Variants in RBFOX1 observed in about 807,000 individuals in gnomAD.
RBFOX1 encodes the protein RNA binding fox-1 homolog 1.
Under a neutral mutation model 57.7 loss-of-function variants are expected in RBFOX1, and 8 were observed. That is an observed-to-expected ratio of 0.14 (90% CI 0.08 to 0.25). The LOEUF is 0.25. Among genes scored for constraint, RBFOX1 ranks in the 10% least tolerant of loss-of-function variants. The probability of loss-of-function intolerance (pLI) is 1.00; values close to 1 mark genes in which losing one functional copy is unlikely to be tolerated. For missense variants in RBFOX1, 611 were observed against 548.5 expected, an observed-to-expected ratio of 1.11 and a Z score of -1.14; for synonymous variants, 326 against 222.4, an observed-to-expected ratio of 1.47 and a Z score of -4.15.
intron 4 of RBFOX1, among the ~76,000 whole-genome samples, chr16:7,227,101 C>T (rs201052065): frequency 6.6e-6 from 1 of 152,122 alleles, no homozygotes; most frequent in Admixed American, 6.6e-5. Flanking sequence ...TTTATAGAAC[C>T]TGTTTGGTCC....
chr16:7,706,634 G>A (rs1271910099), intron 14 of RBFOX1, among the ~76,000 whole-genome samples: 1 of 152,144 alleles, frequency 6.6e-6, no homozygotes, highest in Non-Finnish European at 1.5e-5. Flanking sequence ...GTAACACCTT[G>A]CCATAACATC....
At chr16:7,265,200 G>C (rs186048393) in intron 4 of RBFOX1, among the ~76,000 whole-genome samples, 3 of 152,162 alleles carry the variant, frequency 2.0e-5, no homozygotes, top group Non-Finnish European at 4.4e-5. Context: ...TAGACAGGGT[G>C]GCTTAGACAA....
intron 2 of RBFOX1, among the ~76,000 whole-genome samples, chr16:6,363,458 A>G (rs2152874723): frequency 6.6e-6 from 1 of 152,330 alleles, no homozygotes; most frequent in East Asian, 1.9e-4. Context: ...TGATCTCGAG[A>G]TGTTCTAGCG....
chr16:7,278,261 T>G (rs1330777610), intron 4 of RBFOX1, among the ~76,000 whole-genome samples: 1 of 152,182 alleles, frequency 6.6e-6, no homozygotes, highest in African/African-American at 2.4e-5. Context: ...CTTGATTGAA[T>G]TGCAAGTATA....
At chr16:7,335,916 G>C (rs115213782) in intron 4 of RBFOX1, among the ~76,000 whole-genome samples, 1 of 152,170 alleles carries the variant, frequency 6.6e-6, no homozygotes, top group Non-Finnish European at 1.5e-5. Flanking sequence ...GGAGAATTCA[G>C]CTGAACCTGT....
Position 6,779,947 on chromosome 16 carries a change from TTATATATTTATATATTTA to T in RBFOX1, c.-16+125321_-16+125338del, listed in dbSNP as rs2080275319. On this transcript the variant is annotated intron_variant, in intron 3 of 15. Transcript: ENST00000550418. ...TATATTTATATATATTTATATATAT[TTATATATTTATATATTTA>T]TATATATTTATATATTTATATATTT... Among the ~76,000 whole-genome samples, 6 of 26,752 alleles carry T rather than the reference TTATATATTTATATATTTA, an allele frequency of 2.2e-4. 1 individual carries two copies. The highest frequency in any genetic ancestry group is 1.3e-3 in the African/African-American group (6 of 4,794). 17.6% of individuals were successfully genotyped at this position (26,752 alleles called of 152,430 possible).
chr16:6,589,409 AG>A (rs1555583031), intron 2 of RBFOX1, among the ~76,000 whole-genome samples: 1 of 152,152 alleles, frequency 6.6e-6, no homozygotes, highest in Non-Finnish European at 1.5e-5. Flanking sequence ...TTTGGTGGGT[AG>A]GGGGTCAGAA....
intron 3 of RBFOX1, among the ~76,000 whole-genome samples, chr16:5,736,003 G>C (rs2052556630): frequency 6.6e-6 from 1 of 152,108 alleles, no homozygotes; most frequent in Non-Finnish European, 1.5e-5. Context: ...GTTTGCTTAG[G>C]GTCCTCTTCC....
chr16:6,233,745 A>G (rs958507338), intron 1 of RBFOX1, among the ~76,000 whole-genome samples: 5 of 152,042 alleles, frequency 3.3e-5, no homozygotes, highest in Non-Finnish European at 5.9e-5. Flanking sequence ...AAGTGCTGGG[A>G]TTACAGACAT....
At chr16:6,103,406 G>A (rs147638056) in intron 1 of RBFOX1, among the ~76,000 whole-genome samples, 457 of 152,018 alleles carry the variant, frequency 3.0e-3, no homozygotes, top group African/African-American at 0.01. Context: ...GATGTATCAC[G>A]GTCACACAAT....
chr16:7,001,447 T>TGTATAG (rs1568312367), intron 3 of RBFOX1, among the ~76,000 whole-genome samples: 2 of 143,846 alleles, frequency 1.4e-5, no homozygotes, highest in African/African-American at 5.4e-5. Flanking sequence ...TATATGTATA[T>TGTATAG]GTATATGTAT....
chr16:7,247,086 A>G (rs180908076), intron 4 of RBFOX1, among the ~76,000 whole-genome samples: 104 of 152,238 alleles, frequency 6.8e-4, no homozygotes, highest in Non-Finnish European at 1.3e-3. Flanking sequence ...TTTAGGCTGC[A>G]CTCAGTCATG....
chr16:7,611,160 T>G (rs2057393492), intron 10 of RBFOX1, among the ~76,000 whole-genome samples: 1 of 152,214 alleles, frequency 6.6e-6, no homozygotes, highest in African/African-American at 2.4e-5. Flanking sequence ...CCTCCCGTTG[T>G]CTCTCAGAAT....
At chr16:7,112,112 G>C (rs181518444) in intron 4 of RBFOX1, among the ~76,000 whole-genome samples, 1 of 152,178 alleles carries the variant, frequency 6.6e-6, no homozygotes, top group South Asian at 2.1e-4. Flanking sequence ...GATCTTATGC[G>C]TTAGACCAAG....
intron 4 of RBFOX1, among the ~76,000 whole-genome samples, chr16:7,301,097 T>G (rs773860004): frequency 1.3e-5 from 2 of 152,192 alleles, no homozygotes; most frequent in Non-Finnish European, 1.5e-5. Flanking sequence ...AATTCAAATT[T>G]GCTATCCCCA....
At chr16:7,064,255 G>A (rs549443196) in intron 4 of RBFOX1, among the ~76,000 whole-genome samples, 2 of 136,772 alleles carry the variant, frequency 1.5e-5, no homozygotes, top group East Asian at 2.3e-4. Context: ...TGCAACTTCC[G>A]CCTCCCAGGT....
chr16:5,945,458 C>T (rs2059382671), intron 4 of RBFOX1, among the ~76,000 whole-genome samples: 1 of 152,218 alleles, frequency 6.6e-6, no homozygotes. Flanking sequence ...GAGATGATAA[C>T]ATCTATTGAG....
chr16:6,518,753 G>A (rs2096435705), intron 2 of RBFOX1, among the ~76,000 whole-genome samples: 1 of 151,470 alleles, frequency 6.6e-6, no homozygotes, highest in East Asian at 1.9e-4. Flanking sequence ...CTGTCTGTCT[G>A]TCTATCCATC....
chr16:7,481,406 G>C lies in RBFOX1; in HGVS notation c.28-36741G>C, dbSNP rs2063904648. Among the ~76,000 whole-genome samples the C allele has an allele frequency of 2.0e-5, 3 of 152,166 alleles. No homozygotes were observed. The South Asian group carries it at 6.2e-4, about 31-fold the overall frequency. ...ATATAAATTGCTGCTAAATTATTCAGATACTTCTCATAATATAAATTGTTC... is the reference window on the plus strand; with the variant it reads ...ATATAAATTGCTGCTAAATTATTCACATACTTCTCATAATATAAATTGTTC... On this transcript the variant is annotated intron_variant, in intron 4 of 15. Coordinates refer to ENST00000550418, the MANE Select transcript of RBFOX1 (RefSeq NM_018723.4).
Sources: allele counts gnomAD v4.1 joint callset (sites outside exome capture counted in the v4.1 genomes callset), GRCh38; gene constraint gnomAD v4.1.1; transcripts MANE v1.5; gene names NCBI Gene and HGNC (gene_info 2026-07-23, HGNC 2026-07-21).